Variants in LRMDA observed in about 807,000 individuals in gnomAD.
LRMDA encodes the protein leucine rich melanocyte differentiation associated.
A neutral mutation model predicts 29.8 loss-of-function variants in LRMDA; 18 were observed. The ratio of observed to expected loss-of-function variants is 0.60; its 90% CI spans 0.42 to 0.90. The LOEUF is 0.90. LRMDA is among the 40% of genes least tolerant of loss of function. LRMDA has a pLI of 0.00. For missense variants in LRMDA, 273 were observed against 273.9 expected (o/e 1.00, Z 0.02); for synonymous variants, 125 against 109.4 (o/e 1.14, Z -0.89).
intron 2 of LRMDA, among the ~76,000 whole-genome samples, chr10:75,996,951 C>G (rs1589281597): frequency 6.6e-6 from 1 of 152,082 alleles, no homozygotes; most frequent in Non-Finnish European, 1.5e-5. Flanking sequence ...CCAGGATGGT[C>G]TCAATCTCCT....
chr10:76,538,670 TTAACTTG>T (rs1843319640), intron 6 of LRMDA, among the ~76,000 whole-genome samples: 1 of 151,852 alleles, frequency 6.6e-6, no homozygotes, highest in Admixed American at 6.6e-5. Context: ...TCTGGATTGT[TTAACTTG>T]TTACAACTCT....
chr10:76,039,827 A>C (rs1387015158), intron 3 of LRMDA, among the ~76,000 whole-genome samples: 1 of 152,200 alleles, frequency 6.6e-6, no homozygotes, highest in East Asian at 1.9e-4. Context: ...GATTCTAGTA[A>C]CATAGTAAGT....
chr10:76,472,268 A>G (rs1241250342), intron 6 of LRMDA, among the ~76,000 whole-genome samples: 1 of 151,838 alleles, frequency 6.6e-6, no homozygotes, highest in African/African-American at 2.4e-5. Context: ...AAATTTGGGG[A>G]ATTCTCAAAT....
chr10:75,870,361 G>C (rs1273357520), intron 2 of LRMDA, among the ~76,000 whole-genome samples: 1 of 124,160 alleles, frequency 8.1e-6, no homozygotes, highest in Admixed American at 8.6e-5. Flanking sequence ...ATAATGAATT[G>C]ATTTCTCTGC....
chr10:76,439,704 C>T (rs1016355455), intron 6 of LRMDA, among the ~76,000 whole-genome samples: 3 of 152,158 alleles, frequency 2.0e-5, no homozygotes, highest in Non-Finnish European at 2.9e-5. Flanking sequence ...AGTGCCACTG[C>T]GCCTGCACCC....
intron 5 of LRMDA, among the ~76,000 whole-genome samples, chr10:76,106,733 C>T (rs897668127): frequency 6.6e-6 from 1 of 152,206 alleles, no homozygotes; most frequent in Admixed American, 6.5e-5. Context: ...TGTAGTGCGT[C>T]TTCCAAATGT....
chr10:76,363,276 A>AAGGAAAGG (rs1218743181), intron 6 of LRMDA, among the ~76,000 whole-genome samples: 1,342 of 58,842 alleles, frequency 0.023, 204 homozygotes, highest in South Asian at 0.12. Context: ...GGAAGGAAGG[A>AAGGAAAGG]AAGGAAGGAA....
At chr10:76,452,164 G>A (rs1842413804) in intron 6 of LRMDA, among the ~76,000 whole-genome samples, 1 of 152,136 alleles carries the variant, frequency 6.6e-6, no homozygotes, top group African/African-American at 2.4e-5. Flanking sequence ...ACTAGATTGT[G>A]TATGCCTATG....
At chr10:76,365,980 C>T (rs1803973603) in intron 6 of LRMDA, among the ~76,000 whole-genome samples, 3 of 152,154 alleles carry the variant, frequency 2.0e-5, no homozygotes, top group Admixed American at 2.0e-4. Flanking sequence ...TATCCCAGCA[C>T]CATTTGTTGA....
chr10:76,528,629 G>A (rs1377272422), intron 6 of LRMDA, among the ~76,000 whole-genome samples: 2 of 152,108 alleles, frequency 1.3e-5, no homozygotes, highest in Admixed American at 6.6e-5. Flanking sequence ...GAGAAGGGGA[G>A]TGATAATAAC....
intron 2 of LRMDA, among the ~76,000 whole-genome samples, chr10:75,969,984 A>G (rs140664993): frequency 7.9e-5 from 12 of 152,360 alleles, no homozygotes; most frequent in African/African-American, 2.4e-4. Context: ...AAGATTGTGC[A>G]TGCTACCATG....
chr10:76,555,768 A>AAAC (rs1423326040), intron 6 of LRMDA, among the ~76,000 whole-genome samples: 2 of 7,950 alleles, frequency 2.5e-4, no homozygotes, highest in Non-Finnish European at 7.7e-4. Flanking sequence ...AAATTAACCA[A>AAAC]AAAAAAAAAA....
chr10:76,037,826 T>C (rs1848278269), intron 3 of LRMDA, among the ~76,000 whole-genome samples: 1 of 152,232 alleles, frequency 6.6e-6, no homozygotes, highest in Non-Finnish European at 1.5e-5. Context: ...CATATGAATT[T>C]GAGGGAAGAA....
intron 6 of LRMDA, among the ~76,000 whole-genome samples, chr10:76,376,486 T>C (rs1841519821): frequency 2.0e-5 from 3 of 152,156 alleles, no homozygotes. Context: ...GACACCTAGA[T>C]TGATTTTATA....
intron 3 of LRMDA, among the ~76,000 whole-genome samples, chr10:76,044,260 G>A (rs1016205760): frequency 3.9e-5 from 6 of 152,136 alleles, no homozygotes; most frequent in Non-Finnish European, 7.3e-5. Flanking sequence ...TGGGACTGAG[G>A]CCCGTGCAGG....
intron 2 of LRMDA, among the ~76,000 whole-genome samples, chr10:75,490,368 CACACACAG>C (rs1317681919): frequency 1.3e-5 from 2 of 148,860 alleles, no homozygotes; most frequent in Non-Finnish European, 3.0e-5. Context: ...CACACACACA[CACACACAG>C]AGTCAACTTC....
intron 5 of LRMDA, among the ~76,000 whole-genome samples, chr10:76,220,683 A>G (rs1851815148): frequency 6.6e-6 from 1 of 152,198 alleles, no homozygotes; most frequent in African/African-American, 2.4e-5. Flanking sequence ...GCCGAATTCT[A>G]CCAGAGGTAC....
intron 2 of LRMDA, among the ~76,000 whole-genome samples, chr10:75,919,497 G>T (rs2132387343): frequency 6.6e-6 from 1 of 152,244 alleles, no homozygotes; most frequent in East Asian, 1.9e-4. Flanking sequence ...CCAAACACAG[G>T]TACAGGAAAG....
chr10:76,165,559 A>T (rs1003276935), intron 5 of LRMDA, among the ~76,000 whole-genome samples: 1 of 152,230 alleles, frequency 6.6e-6, no homozygotes, highest in African/African-American at 2.4e-5. Flanking sequence ...GGCGTGAGCC[A>T]TTGCACCCAG....
Sources: gnomAD v4.1 joint callset for allele counts (sites outside exome capture counted in the v4.1 genomes callset) on GRCh38, gnomAD v4.1.1 for gene constraint, MANE v1.5 for transcripts, NCBI Gene and HGNC (gene_info 2026-07-23, HGNC 2026-07-21) for gene names.